Variants in REV1 observed in about 807,000 individuals in gnomAD.
The protein encoded by REV1 is REV1 DNA directed polymerase.
In REV1, 42 loss-of-function variants were observed where a neutral mutation model predicts 137.4. The ratio of observed to expected loss-of-function variants is 0.31; its 90% CI spans 0.24 to 0.40. The LOEUF (loss-of-function observed/expected upper bound fraction) is 0.40. Ranked by LOEUF, REV1 falls within the 10% of genes least tolerant of loss-of-function variation. REV1 has a pLI of 1.00. For missense variants in REV1, 1,282 were observed against 1,490.1 expected (o/e 0.86, Z 2.30); for synonymous variants, 524 against 519.2 (o/e 1.01, Z -0.12).
chr2:99,452,220 T>C (rs1333760882), intron 3 of REV1, among the ~76,000 whole-genome samples: 1 of 151,930 alleles, frequency 6.6e-6, no homozygotes, highest in South Asian at 2.1e-4. Flanking sequence ...AGCTCAGGAA[T>C]TCAAGACCAG....
At chr2:99,424,820 A>C in intron 9 of REV1, 4 of 1,304,248 alleles carry the variant, frequency 3.1e-6, no homozygotes, top group Non-Finnish European at 4.0e-6. Context: ...GTGGCTCCAC[A>C]GTGGTTGAGA....
At chr2:99,459,720 A>C (rs1367373032) in intron 3 of REV1, among the ~76,000 whole-genome samples, 1 of 152,136 alleles carries the variant, frequency 6.6e-6, no homozygotes, top group African/African-American at 2.4e-5. Context: ...CAAAGAAACA[A>C]ACAAAACAAA....
intron 3 of REV1, among the ~76,000 whole-genome samples, chr2:99,461,851 T>G (rs1301374520): frequency 6.6e-6 from 1 of 152,214 alleles, no homozygotes; most frequent in Non-Finnish European, 1.5e-5. Context: ...CTTGAAACTG[T>G]GCAACAGGCA....
chr2:99,429,387 C>T (rs2104704127), intron 9 of REV1, among the ~76,000 whole-genome samples: 1 of 152,070 alleles, frequency 6.6e-6, no homozygotes, highest in South Asian at 2.1e-4. Context: ...ATTAAGAATG[C>T]CAATAATTCA....
intron 1 of REV1, among the ~76,000 whole-genome samples, chr2:99,477,380 A>G (rs910092628): frequency 5.3e-5 from 8 of 152,192 alleles, no homozygotes; most frequent in African/African-American, 1.9e-4. Flanking sequence ...GAATAAGGAC[A>G]ATACCCTATG....
intron 1 of REV1, among the ~76,000 whole-genome samples, chr2:99,483,151 G>A (rs1686800806): frequency 6.6e-6 from 1 of 151,612 alleles, no homozygotes; most frequent in Admixed American, 6.6e-5. Context: ...AAAAAGCTAA[G>A]GAGTCATCAA....
chr2:99,403,898 G>C (rs1030329604), intron 18 of REV1, 83 bp from the exon 19 acceptor site: 3 of 1,510,748 alleles, frequency 2.0e-6, no homozygotes, highest in African/African-American at 2.8e-5. Flanking sequence ...AACAGACTTT[G>C]TTTTCAAATC....
intron 3 of REV1, among the ~76,000 whole-genome samples, chr2:99,451,078 TTCTTTC>T (rs751606478): frequency 1.4e-4 from 22 of 152,328 alleles, no homozygotes; most frequent in Middle Eastern, 3.4e-3. Context: ...ACAGTTCAGT[TTCTTTC>T]TCTAACACTA....
chr2:99,434,915 A>G (rs1304230090), intron 7 of REV1, among the ~76,000 whole-genome samples: 3 of 152,212 alleles, frequency 2.0e-5, no homozygotes, highest in Non-Finnish European at 4.4e-5. Flanking sequence ...ATTATCAAAC[A>G]TGAGCATACA....
rs768893105 is a variant in REV1, at chr2:99,421,701, T to TG, written c.1677-49dup. Reference sequence around the variant, plus strand: ...ACGAATCACAGCCACAGCCACCATCTGGTAGACCCAATGTTGCAAAATAGT... The same window carrying TG: ...ACGAATCACAGCCACAGCCACCATCTGGGTAGACCCAATGTTGCAAAATAGT... On this transcript the variant is annotated intron_variant, in intron 10 of 22. Coordinates refer to ENST00000258428, the MANE Select transcript of REV1 (RefSeq NM_016316.4). 7.0e-6 allele frequency: 11 copies of TG among 1,577,682 alleles called. No homozygotes were observed. In the African/African-American group the frequency reaches 1.5e-4, roughly 21 times the overall value.
chr2:99,403,404 A>T (rs540062896), intron 19 of REV1: 1 of 558,036 alleles, frequency 1.8e-6, no homozygotes, highest in Non-Finnish European at 3.2e-6. Context: ...TAATGTATTC[A>T]TCTCAAAGGA....
chr2:99,484,866 C>T (rs1042057935), intron 1 of REV1, among the ~76,000 whole-genome samples: 4 of 152,134 alleles, frequency 2.6e-5, no homozygotes, highest in African/African-American at 9.7e-5. Flanking sequence ...TGAAATCTTG[C>T]CTCCTTTCTT....
intron 18 of REV1, 65 bp downstream of exon 18, chr2:99,404,379 C>A (rs947117623): frequency 1.1e-5 from 14 of 1,217,658 alleles, no homozygotes; most frequent in Non-Finnish European, 1.5e-5. Flanking sequence ...TGAGACAGGT[C>A]CTAAGTTGGA....
At chr2:99,427,594 CTCAGTA>C (rs1382582564) in intron 9 of REV1, among the ~76,000 whole-genome samples, 5 of 152,180 alleles carry the variant, frequency 3.3e-5, no homozygotes, top group African/African-American at 9.7e-5. Flanking sequence ...CCACTCCAAA[CTCAGTA>C]ACATTTCTCT....
chr2:99,403,871 GTTTCTC>G (rs1574965739), intron 18 of REV1, 56 bp from the exon 19 acceptor site: 1 of 1,589,798 alleles, frequency 6.3e-7, no homozygotes, highest in East Asian at 2.3e-5. Flanking sequence ...ATGGTAGCTG[GTTTCTC>G]TTTTTCACAA....
intron 3 of REV1, among the ~76,000 whole-genome samples, chr2:99,453,449 C>T (rs1406304199): frequency 6.6e-6 from 1 of 152,092 alleles, no homozygotes; most frequent in African/African-American, 2.4e-5. Flanking sequence ...CAAGAAGGAG[C>T]TCTAGAGCTA....
At chr2:99,452,296 G>A (rs898613882) in intron 3 of REV1, among the ~76,000 whole-genome samples, 2 of 151,910 alleles carry the variant, frequency 1.3e-5, no homozygotes, top group African/African-American at 4.8e-5. Context: ...GTGTGGTGGT[G>A]TGTGCCTGCA....
intron 1 of REV1, among the ~76,000 whole-genome samples, 185 bp from the exon 2 acceptor site, chr2:99,465,170 T>A (rs571031761): frequency 3.2e-4 from 47 of 148,186 alleles, no homozygotes; most frequent in Admixed American, 2.8e-3. Flanking sequence ...AATTTGTCTA[T>A]AAAACACCCT....
At chr2:99,410,522 A>T (rs1240323065) in intron 14 of REV1, among the ~76,000 whole-genome samples, 173 bp downstream of exon 14, 1 of 152,220 alleles carries the variant, frequency 6.6e-6, no homozygotes, top group African/African-American at 2.4e-5. Flanking sequence ...GCTGAAACCA[A>T]GTGCATTAAC....
Sources: gnomAD v4.1 joint callset for allele counts (sites outside exome capture counted in the v4.1 genomes callset) on GRCh38, gnomAD v4.1.1 for gene constraint, MANE v1.5 for transcripts, NCBI Gene and HGNC (gene_info 2026-07-23, HGNC 2026-07-21) for gene names.